Variants in CCDC57 observed in about 807,000 individuals in gnomAD.
CCDC57 encodes coiled-coil domain containing 57.
Under a neutral mutation model 118.9 loss-of-function variants are expected in CCDC57, and 118 were observed. The ratio of observed to expected loss-of-function variants is 0.99; its 90% CI spans 0.86 to 1.16. The LOEUF (loss-of-function observed/expected upper bound fraction) is 1.16, where lower values mean the gene tolerates loss of function less well. Ranked by LOEUF, CCDC57 falls within the 50% of genes most tolerant of loss-of-function variation. CCDC57 has a pLI of 0.00. For missense variants in CCDC57, 1,300 were observed against 1,320.7 expected, an observed-to-expected ratio of 0.98 and a Z score of 0.24; for synonymous variants, 527 against 532.9, an observed-to-expected ratio of 0.99 and a Z score of 0.15.
intron 19 of CCDC57, among the ~76,000 whole-genome samples, chr17:82,116,649 C>T (rs1384922100): frequency 6.6e-6 from 1 of 152,168 alleles, no homozygotes; most frequent in Non-Finnish European, 1.5e-5. Flanking sequence ...GATCTGTGGC[C>T]ATGTAGCGTT....
At chr17:82,127,330 G>C (rs1344787089) in intron 19 of CCDC57, 1 of 984,808 alleles carries the variant, frequency 1.0e-6, no homozygotes, top group Non-Finnish European at 1.2e-6. Flanking sequence ...GTGCACCAAT[G>C]CCCACGCGTC....
chr17:82,168,105 C>T (rs1239278095), intron 13 of CCDC57, among the ~76,000 whole-genome samples: 1 of 152,218 alleles, frequency 6.6e-6, no homozygotes, highest in Non-Finnish European at 1.5e-5. Flanking sequence ...TGTCTTTATT[C>T]ACTCTCATTC....
intron 16 of CCDC57, among the ~76,000 whole-genome samples, chr17:82,135,892 C>CT (rs1271708188): frequency 1.3e-5 from 2 of 151,792 alleles, no homozygotes; most frequent in African/African-American, 4.8e-5. Context: ...GATCCCACCT[C>CT]TATTTTTAAA....
chr17:82,199,191 T>C (rs2048680744), intron 3 of CCDC57, among the ~76,000 whole-genome samples: 1 of 151,112 alleles, frequency 6.6e-6, no homozygotes, highest in Admixed American at 6.6e-5. Flanking sequence ...GAAAAAGCTA[T>C]AGCAGGCTGG....
At chr17:82,133,979 A>G (rs2145407060) in intron 17 of CCDC57, 94 bp downstream of exon 16, 4 of 1,185,932 alleles carry the variant, frequency 3.4e-6, no homozygotes, top group Non-Finnish European at 4.3e-6. Flanking sequence ...GGCTTTTTAT[A>G]TTGTGTTTAT....
In CCDC57 at chr17:82,180,045, C is replaced by T. The variant is rs77445249; in HGVS notation, c.1212-856G>A. Among the ~76,000 whole-genome samples, 54 of 152,254 alleles carry T rather than the reference C, an allele frequency of 3.5e-4. No individual in the cohort carries two copies. The East Asian group carries it at 9.3e-3, about 26-fold the overall frequency. ...ACACAGAGATGGTGGCATGGCTCTG[C>T]GTGAGACTGGAGGGAGACTCTCCTG... On this transcript the variant is annotated intron_variant, in intron 9 of 19. Transcript: ENST00000665763.
chr17:82,201,416 G>A (rs1251281473), intron 3 of CCDC57, 122 bp downstream of exon 2: 1 of 1,259,910 alleles, frequency 7.9e-7, no homozygotes, highest in Admixed American at 2.8e-5. Flanking sequence ...CCGTGGCCTG[G>A]AATCAGCAGC....
intron 19 of CCDC57, among the ~76,000 whole-genome samples, chr17:82,106,044 G>A (rs919833291): frequency 6.6e-6 from 1 of 152,234 alleles, no homozygotes; most frequent in Non-Finnish European, 1.5e-5. Flanking sequence ...CACCTCCTCT[G>A]GGCGCCTGTG....
chr17:82,117,092 G>A (rs1390714654), intron 19 of CCDC57, among the ~76,000 whole-genome samples: 1 of 152,330 alleles, frequency 6.6e-6, no homozygotes, highest in East Asian at 1.9e-4. Context: ...GATGGCTCAC[G>A]CCTGTAATCC....
chr17:82,145,415 C>T lies in CCDC57; in HGVS notation c.2455+6145G>A, dbSNP rs907888633. On this transcript the variant is annotated intron_variant, in intron 16 of 19. Transcript: ENST00000665763. ...TACAAAAATTAGCTGGGCATGGTGG[C>T]GGGCGCCTGTAATACCAGCTACTTG... 7.2e-5 allele frequency among the ~76,000 whole-genome samples: 11 copies of T among 151,810 alleles called. No individual in the cohort carries two copies. In the Middle Eastern group the frequency reaches 0.01, roughly 141 times the overall value.
At chr17:82,153,010 T>C (rs1366895406) in intron 15 of CCDC57, among the ~76,000 whole-genome samples, 1 of 152,198 alleles carries the variant, frequency 6.6e-6, no homozygotes, top group Non-Finnish European at 1.5e-5. Flanking sequence ...GCAGCCCCCA[T>C]GAAGGCTCGC....
intron 16 of CCDC57, among the ~76,000 whole-genome samples, chr17:82,148,548 GA>G (rs2041282780): frequency 9.7e-6 from 1 of 103,050 alleles, no homozygotes. Flanking sequence ...TGGGTGGATG[GA>G]TGGATGGATA....
intron 19 of CCDC57, among the ~76,000 whole-genome samples, chr17:82,121,718 C>T (rs1345374400): frequency 6.6e-6 from 1 of 152,230 alleles, no homozygotes; most frequent in Non-Finnish European, 1.5e-5. Context: ...GGGCCTCAGT[C>T]AGCGCGTCCT....
At chr17:82,116,648 C>T (rs191247281) in intron 19 of CCDC57, among the ~76,000 whole-genome samples, 65 of 152,296 alleles carry the variant, frequency 4.3e-4, no homozygotes, top group African/African-American at 1.4e-3. Flanking sequence ...GGATCTGTGG[C>T]CATGTAGCGT....
intron 19 of CCDC57, among the ~76,000 whole-genome samples, chr17:82,120,747 G>A (rs992465555): frequency 6.6e-6 from 1 of 151,956 alleles, no homozygotes; most frequent in Admixed American, 6.6e-5. Context: ...ATGCTGAAAC[G>A]TATCTTTCTT....
At chr17:82,159,922 G>A (rs1467131778) in intron 14 of CCDC57, 1 of 151,784 alleles carries the variant, frequency 6.6e-6, no homozygotes, top group East Asian at 1.9e-4. Context: ...GCCCATCTTG[G>A]ACTCCCAAGG....
exon 15 of CCDC57, chr17:82,157,789 T>G: frequency 1.2e-6 from 2 of 1,605,820 alleles, no homozygotes; most frequent in Non-Finnish European, 1.7e-6. Context: ...GGGGGCTGCT[T>G]CCTGCCTGAA....
At chr17:82,126,969 G>A (rs993193790) in intron 19 of CCDC57, 1 of 985,188 alleles carries the variant, frequency 1.0e-6, no homozygotes, top group Non-Finnish European at 1.2e-6. Flanking sequence ...CACACGTCCC[G>A]CAACTCCAGC....
intron 2 of CCDC57, chr17:82,207,727 T>C (rs1250855628): frequency 1.3e-5 from 2 of 152,264 alleles, no homozygotes; most frequent in African/African-American, 2.4e-5. Flanking sequence ...TCTGTGTGAC[T>C]TACTCTTTCT....
Sources: allele counts gnomAD v4.1 joint callset (sites outside exome capture counted in the v4.1 genomes callset), GRCh38; gene constraint gnomAD v4.1.1; transcripts MANE v1.5; gene names NCBI Gene and HGNC (gene_info 2026-07-23, HGNC 2026-07-21).